KDM4B: variants seen among roughly 807,000 people sequenced by gnomAD.
KDM4B encodes the protein lysine demethylase 4B.
Under a neutral mutation model 125.2 loss-of-function variants are expected in KDM4B, and 32 were observed. The observed-to-expected ratio is 0.26, with a 90% confidence interval of 0.19 to 0.34. The LOEUF (loss-of-function observed/expected upper bound fraction) is 0.34, where lower values mean the gene tolerates loss of function less well. KDM4B is among the 10% of genes least tolerant of loss of function. The pLI, the probability that KDM4B is intolerant of heterozygous loss-of-function variation, is 1.00. For missense variants in KDM4B, 1,190 were observed against 1,577.7 expected (o/e 0.75, Z 4.16); for synonymous variants, 721 against 677.9 (o/e 1.06, Z -0.99).
At chr19:5,003,421 T>C (rs978344227) in intron 1 of KDM4B, among the ~76,000 whole-genome samples, 1 of 151,838 alleles carries the variant, frequency 6.6e-6, no homozygotes, top group African/African-American at 2.4e-5. Flanking sequence ...GCGGAGGTTG[T>C]GGTGAGCCAA....
At chr19:5,145,079 G>GAAGCAC (rs2039818852) in intron 21 of KDM4B, among the ~76,000 whole-genome samples, 177 bp downstream of exon 21, 1 of 152,354 alleles carries the variant, frequency 6.6e-6, no homozygotes, top group African/African-American at 2.4e-5. Flanking sequence ...GCCTAAGTTA[G>GAAGCAC]AAGCACAGGG....
chr19:5,153,217 G>C lies in KDM4B; in HGVS notation c.*1706G>C, dbSNP rs906967981. The C allele has an allele frequency of 6.6e-6, 1 of 152,232 alleles. No homozygotes were observed. 9.4% of individuals were successfully genotyped at this position (152,232 alleles called of 1,614,324 possible). A position where few individuals can be genotyped will look rare whatever the true frequency, so the allele number is the denominator to read the frequency against. Reference sequence around the variant, plus strand: ...AGGGCCGGGGTCGGGGAGGTTGGGGGGTGTCAGCCAAAACGTGGAGGTGTC... The same window carrying C: ...AGGGCCGGGGTCGGGGAGGTTGGGGCGTGTCAGCCAAAACGTGGAGGTGTC... On this transcript the variant is annotated 3_prime_UTR_variant, in exon 23 of 23. Transcript: ENST00000159111.
At chr19:4,978,050 G>A (rs1453388148) in intron 1 of KDM4B, among the ~76,000 whole-genome samples, 1 of 152,194 alleles carries the variant, frequency 6.6e-6, no homozygotes, top group Non-Finnish European at 1.5e-5. Context: ...GGGCCGCGTG[G>A]ATCTGATTGT....
At chr19:5,143,576 C>A (rs753280357) in intron 18 of KDM4B, among the ~76,000 whole-genome samples, 1 of 152,124 alleles carries the variant, frequency 6.6e-6, no homozygotes, top group Non-Finnish European at 1.5e-5. Flanking sequence ...CCTCTGTGTC[C>A]CCAGGGCACA....
intron 21 of KDM4B, among the ~76,000 whole-genome samples, chr19:5,146,958 A>AAG (rs1322820947): frequency 6.7e-6 from 1 of 150,374 alleles, no homozygotes; most frequent in Non-Finnish European, 1.5e-5. Flanking sequence ...AAAAAAAAAA[A>AAG]AAAACAAAAA....
chr19:5,045,729 T>C (rs1342121091), intron 5 of KDM4B, among the ~76,000 whole-genome samples: 1 of 152,182 alleles, frequency 6.6e-6, no homozygotes, highest in Non-Finnish European at 1.5e-5. Context: ...CGCCTTGGCC[T>C]CCCAAAGTGC....
In KDM4B at chr19:5,052,838, TG is replaced by T. The variant is rs565180984; in HGVS notation, c.626+5171del. ...TGGTGTGGGTTTGTACTGCTGCTGC[TG>T]GCGAGCCAACCACTGGGACTTCCAG... On this transcript the variant is annotated intron_variant, in intron 6 of 22. Coordinates refer to ENST00000159111, the MANE Select transcript of KDM4B (RefSeq NM_015015.3). Among the ~76,000 whole-genome samples, 5 of 152,342 alleles carry T rather than the reference TG, an allele frequency of 3.3e-5. No homozygotes were observed. In the South Asian group the frequency reaches 1.0e-3, roughly 32 times the overall value.
intron 11 of KDM4B, among the ~76,000 whole-genome samples, chr19:5,125,233 G>A (rs567692125): frequency 1.3e-5 from 2 of 151,996 alleles, no homozygotes; most frequent in Non-Finnish European, 2.9e-5. Context: ...ATCTTCCCAA[G>A]CCCACTGACG....
rs775781231 is a variant in KDM4B, at chr19:5,144,229, AC to A, written c.2737-16del. On this transcript the variant is annotated intron_variant, in intron 19 of 22. Transcript: ENST00000159111. ...GACACCCGCGCTGACCGCCCCCCACACCCTCCGCACCCTCCCAGGTCCAACT... is the reference window on the plus strand; with the variant it reads ...GACACCCGCGCTGACCGCCCCCCACACCTCCGCACCCTCCCAGGTCCAACT... 1.9e-6 allele frequency: 3 copies of A among 1,557,880 alleles called. No homozygotes were observed. The African/African-American group carries it at 4.3e-5, about 22-fold the overall frequency.
Position 5,047,807 on chromosome 19 carries a change from A to T in KDM4B, c.626+138A>T, listed in dbSNP as rs1325916403. On this transcript the variant is annotated intron_variant, in intron 6 of 22. Transcript: ENST00000159111. ...AAAGGTCGGCCTATGACGGCTGGAG[A>T]TCTTCCGGACCGCCTGGGGTCACCC... 3.7e-6 allele frequency: 3 copies of T among 813,698 alleles called. No individual in the cohort carries two copies. The African/African-American group carries it at 5.2e-5, about 14-fold the overall frequency. 50.4% of individuals were successfully genotyped at this position (813,698 alleles called of 1,614,324 possible).
At chr19:5,054,462 A>ATGTG (rs3070257) in intron 6 of KDM4B, among the ~76,000 whole-genome samples, 43 of 150,592 alleles carry the variant, frequency 2.9e-4, no homozygotes, top group Admixed American at 5.3e-4. Context: ...GAGAGAGAGA[A>ATGTG]TGTGTGTGTG....
intron 8 of KDM4B, among the ~76,000 whole-genome samples, chr19:5,079,456 G>A (rs970083908): frequency 6.6e-6 from 1 of 152,178 alleles, no homozygotes; most frequent in Non-Finnish European, 1.5e-5. Context: ...CTAGGCCTTG[G>A]TTCATAGGAG....
chr19:5,041,279 G>A (rs770120269), intron 5 of KDM4B, 28 bp downstream of exon 5: 1 of 1,559,110 alleles, frequency 6.4e-7, no homozygotes, highest in Non-Finnish European at 8.8e-7. Flanking sequence ...GGGAAGAACA[G>A]GGACCAGCTT....
intron 6 of KDM4B, among the ~76,000 whole-genome samples, chr19:5,062,065 G>A (rs779874551): frequency 6.6e-6 from 1 of 152,170 alleles, no homozygotes; most frequent in African/African-American, 2.4e-5. Context: ...TGGGACTCCC[G>A]TTTCTCCTGT....
chr19:5,080,051 C>T (rs1221488960), intron 8 of KDM4B, among the ~76,000 whole-genome samples: 3 of 152,142 alleles, frequency 2.0e-5, no homozygotes, highest in Non-Finnish European at 4.4e-5. Context: ...ACGTGTGTTC[C>T]CCCCCCACCC....
intron 1 of KDM4B, among the ~76,000 whole-genome samples, chr19:4,970,406 T>C (rs1025598309): frequency 2.0e-5 from 3 of 151,906 alleles, no homozygotes; most frequent in African/African-American, 7.3e-5. Context: ...TTTTTCCATG[T>C]GTTTCTGGCT....
rs149118565 is a variant in KDM4B, at chr19:5,081,259, C to G, written c.781-1108C>G. Among the ~76,000 whole-genome samples, 639 of 152,310 alleles carry G rather than the reference C, an allele frequency of 4.2e-3. 2 individuals carry two copies. The Middle Eastern group carries it at 0.051, about 12-fold the overall frequency. On this transcript the variant is annotated intron_variant, in intron 8 of 22. Coordinates refer to ENST00000159111, the MANE Select transcript of KDM4B (RefSeq NM_015015.3). This position sits in a 1 kb window ranked among gnomAD's most constrained non-coding sequence, Gnocchi z 4.2. ...CCCACAGCCCCACCTCCTAGAAGCC[C>G]TTGGCCTGAGCCCCGGGGTGCAGCA... is the stretch of plus-strand genomic sequence containing the variant.
intron 1 of KDM4B, among the ~76,000 whole-genome samples, chr19:4,982,776 C>T (rs1287445407): frequency 6.6e-6 from 1 of 152,002 alleles, no homozygotes; most frequent in African/African-American, 2.4e-5. Flanking sequence ...CCACACCCAG[C>T]TAATTTTTGT....
At chr19:5,058,624 T>C (rs2037483839) in intron 6 of KDM4B, among the ~76,000 whole-genome samples, 1 of 152,230 alleles carries the variant, frequency 6.6e-6, no homozygotes, top group Non-Finnish European at 1.5e-5. Context: ...TGCCTTAGCC[T>C]CACGCTGTCT....
Sources: allele counts gnomAD v4.1 joint callset (sites outside exome capture counted in the v4.1 genomes callset), GRCh38; gene constraint gnomAD v4.1.1; non-coding constraint Gnocchi (gnomAD v3.1); transcripts MANE v1.5; gene names NCBI Gene and HGNC (gene_info 2026-07-23, HGNC 2026-07-21).